Variants in WDR70 observed in about 807,000 individuals in gnomAD.
The protein encoded by WDR70 is WD repeat-containing protein 70.
WDR70 carries 53 observed loss-of-function variants against 88.6 expected under a neutral mutation model. That is an observed-to-expected ratio of 0.60 (90% CI 0.48 to 0.75). The LOEUF (loss-of-function observed/expected upper bound fraction) is 0.75. WDR70 is among the 30% of genes least tolerant of loss of function. The pLI, the probability that WDR70 is intolerant of heterozygous loss-of-function variation, is 0.00. For missense variants in WDR70, 610 were observed against 823.2 expected (o/e 0.74, Z 3.17); for synonymous variants, 280 against 270.0 (o/e 1.04, Z -0.36).
chr5:37,487,229 C>A (rs1255389510), intron 8 of WDR70, among the ~76,000 whole-genome samples: 1 of 152,076 alleles, frequency 6.6e-6, no homozygotes, highest in South Asian at 2.1e-4. Flanking sequence ...TTCCCAGATG[C>A]AAATATAATT....
chr5:37,566,879 G>A (rs934896300), intron 9 of WDR70, among the ~76,000 whole-genome samples: 26 of 152,162 alleles, frequency 1.7e-4, no homozygotes, highest in African/African-American at 5.1e-4. Context: ...CAGGGATTTA[G>A]TTCAGAGGAG....
intron 10 of WDR70, among the ~76,000 whole-genome samples, chr5:37,666,354 G>A (rs995389160): frequency 1.3e-5 from 2 of 152,230 alleles, no homozygotes; most frequent in African/African-American, 4.8e-5. Flanking sequence ...ATCTACAGCA[G>A]CGAGTGTGTT....
chr5:37,551,647 G>A (rs1167164685), intron 9 of WDR70, among the ~76,000 whole-genome samples: 8 of 149,248 alleles, frequency 5.4e-5, no homozygotes, highest in Admixed American at 5.3e-4. Context: ...AGAATCGCTC[G>A]AACCCAGGAG....
At chr5:37,483,171 A>C (rs1739728260) in intron 8 of WDR70, among the ~76,000 whole-genome samples, 1 of 148,796 alleles carries the variant, frequency 6.7e-6, no homozygotes, top group Non-Finnish European at 1.5e-5. Context: ...GCAGGGTCAC[A>C]GGACAATAGT....
chr5:37,661,066 C>T (rs976890398), intron 10 of WDR70, among the ~76,000 whole-genome samples: 17 of 152,182 alleles, frequency 1.1e-4, no homozygotes, highest in Admixed American at 9.8e-4. Context: ...ATTTTGTTAT[C>T]CACAGGAAGT....
At chr5:37,750,024 A>G (rs186957042) in intron 17 of WDR70, among the ~76,000 whole-genome samples, 445 of 152,262 alleles carry the variant, frequency 2.9e-3, no homozygotes, top group Non-Finnish European at 5.2e-3. Flanking sequence ...TACAATTTAC[A>G]TACAATAAAA....
At chr5:37,621,277 A>G (rs1744497996) in intron 10 of WDR70, among the ~76,000 whole-genome samples, 1 of 152,154 alleles carries the variant, frequency 6.6e-6, no homozygotes. Flanking sequence ...ATTGTTAGAA[A>G]TGATTTTATT....
At chr5:37,538,665 A>C in intron 9 of WDR70, among the ~76,000 whole-genome samples, 1 of 152,210 alleles carries the variant, frequency 6.6e-6, no homozygotes. Flanking sequence ...TCAGTATAAA[A>C]CATAAACCTG....
chr5:37,398,690 G>A (rs1749103211), intron 5 of WDR70, among the ~76,000 whole-genome samples: 1 of 152,148 alleles, frequency 6.6e-6, no homozygotes, highest in South Asian at 2.1e-4. Flanking sequence ...ATTCATGTGT[G>A]TGCATATGTA....
At chr5:37,601,360 CT>C (rs1743876838) in intron 9 of WDR70, among the ~76,000 whole-genome samples, 1 of 152,152 alleles carries the variant, frequency 6.6e-6, no homozygotes, top group South Asian at 2.1e-4. Context: ...CCTTGCATAC[CT>C]GGGATAAATC....
chr5:37,605,040 G>A, intron 9 of WDR70, 24 bp from the exon 10 acceptor site: 4 of 1,507,144 alleles, frequency 2.7e-6, no homozygotes, highest in Non-Finnish European at 3.5e-6. Context: ...TTAAATAAAT[G>A]AAAAATCTCC....
chr5:37,426,463 A>G (rs947810102), intron 5 of WDR70, among the ~76,000 whole-genome samples: 8 of 152,202 alleles, frequency 5.3e-5, no homozygotes, highest in South Asian at 2.1e-4. Context: ...TCTCATGACT[A>G]TAAGTTGACT....
At chr5:37,568,462 G>T (rs1742809578) in intron 9 of WDR70, among the ~76,000 whole-genome samples, 1 of 152,194 alleles carries the variant, frequency 6.6e-6, no homozygotes, top group East Asian at 1.9e-4. Flanking sequence ...AGCACTCACA[G>T]TGAATAAACA....
intron 6 of WDR70, among the ~76,000 whole-genome samples, chr5:37,442,799 G>A (rs1439215702): frequency 2.0e-5 from 3 of 152,136 alleles, no homozygotes; most frequent in Non-Finnish European, 4.4e-5. Context: ...CTCCCTTGGT[G>A]TTACTCATTT....
chr5:37,413,761 GA>G (rs1427969375), intron 5 of WDR70, among the ~76,000 whole-genome samples: 1 of 151,492 alleles, frequency 6.6e-6, no homozygotes, highest in Non-Finnish European at 1.5e-5. Context: ...GAATTTTAAG[GA>G]TAGCTTCCTC....
intron 10 of WDR70, among the ~76,000 whole-genome samples, chr5:37,667,880 A>T: frequency 6.9e-6 from 1 of 144,152 alleles, no homozygotes; most frequent in African/African-American, 2.5e-5. Flanking sequence ...AAGGTTCTAT[A>T]GTCAAATAAG....
chr5:37,711,454 T>TAA (rs1747509727), intron 13 of WDR70, among the ~76,000 whole-genome samples: 2 of 152,198 alleles, frequency 1.3e-5, no homozygotes, highest in Admixed American at 6.5e-5. Flanking sequence ...TTTTTCTTTA[T>TAA]TTTTAGCCTC....
intron 9 of WDR70, among the ~76,000 whole-genome samples, chr5:37,527,786 G>GA (rs948922749): frequency 1.3e-5 from 2 of 151,798 alleles, no homozygotes; most frequent in African/African-American, 4.8e-5. Context: ...AAACTTACAA[G>GA]AAAAAAACAA....
intron 10 of WDR70, among the ~76,000 whole-genome samples, chr5:37,617,603 TTA>T (rs1466965175): frequency 6.6e-6 from 1 of 152,150 alleles, no homozygotes; most frequent in African/African-American, 2.4e-5. Flanking sequence ...ACAGAAAAGT[TTA>T]TATGTCACTG....
Sources: allele counts gnomAD v4.1 joint callset (sites outside exome capture counted in the v4.1 genomes callset), GRCh38; gene constraint gnomAD v4.1.1; transcripts MANE v1.5; gene names NCBI Gene and HGNC (gene_info 2026-07-23, HGNC 2026-07-21).